DCC: variants seen among roughly 807,000 people sequenced by gnomAD.
DCC encodes netrin receptor DCC.
DCC carries 58 observed loss-of-function variants against 172.5 expected under a neutral mutation model. The observed-to-expected ratio is 0.34, with a 90% CI of 0.27 to 0.42. The LOEUF (loss-of-function observed/expected upper bound fraction) is 0.42. Among genes scored for constraint, DCC ranks in the 10% least tolerant of loss-of-function variants. The pLI, the probability that DCC is intolerant of heterozygous loss-of-function variation, is 1.00. For synonymous variants in DCC, 709 were observed against 644.5 expected (o/e 1.10, Z -1.52); for missense variants, 1,740 against 1,791.0 (o/e 0.97, Z 0.51).
intron 1 of DCC, among the ~76,000 whole-genome samples, chr18:52,745,841 T>A (rs1054122521): frequency 6.6e-6 from 1 of 152,174 alleles, no homozygotes. Context: ...CTTAACATTG[T>A]GCGTTTTCAG....
intron 1 of DCC, among the ~76,000 whole-genome samples, chr18:52,540,896 G>A (rs560610292): frequency 6.6e-5 from 10 of 152,170 alleles, no homozygotes; most frequent in Non-Finnish European, 8.8e-5. Flanking sequence ...ATGAGCCACC[G>A]CGCCCGGCCT....
At chr18:53,473,139 C>G (rs866351153) in intron 25 of DCC, among the ~76,000 whole-genome samples, 1 of 152,110 alleles carries the variant, frequency 6.6e-6, no homozygotes. Flanking sequence ...AATAATGACT[C>G]CCTTTTATAT....
chr18:53,260,480 T>C (rs2056582241), intron 12 of DCC, among the ~76,000 whole-genome samples: 1 of 152,128 alleles, frequency 6.6e-6, no homozygotes, highest in Non-Finnish European at 1.5e-5. Context: ...CCAGACACTT[T>C]TTGCCTGGGT....
chr18:52,826,645 A>G (rs2038515781), intron 2 of DCC, among the ~76,000 whole-genome samples: 1 of 151,946 alleles, frequency 6.6e-6, no homozygotes, highest in Admixed American at 6.6e-5. Flanking sequence ...CACTCAGCTA[A>G]TTTTTGTATT....
chr18:53,175,019 A>C (rs2144460855), intron 8 of DCC, among the ~76,000 whole-genome samples: 1 of 151,616 alleles, frequency 6.6e-6, no homozygotes, highest in Non-Finnish European at 1.5e-5. Context: ...AGGCTGGTTC[A>C]ATATACGCAA....
chr18:53,428,709 TTATA>T (rs1286508011), intron 21 of DCC, among the ~76,000 whole-genome samples: 1 of 59,066 alleles, frequency 1.7e-5, no homozygotes, highest in African/African-American at 5.4e-5. Context: ...ATTTTATATA[TTATA>T]TATATTTATA....
intron 14 of DCC, among the ~76,000 whole-genome samples, chr18:53,333,111 T>C (rs1252486636): frequency 6.8e-6 from 1 of 146,568 alleles, no homozygotes; most frequent in African/African-American, 2.5e-5. Flanking sequence ...ATATTAGAAA[T>C]AGGATGGTAA....
chr18:53,333,956 A>G (rs1489662094), intron 14 of DCC, among the ~76,000 whole-genome samples: 2 of 152,182 alleles, frequency 1.3e-5, no homozygotes, highest in Admixed American at 1.3e-4. Context: ...TGACCCAAGG[A>G]AATCTCACCT....
At chr18:52,832,298 C>T (rs931300253) in intron 2 of DCC, among the ~76,000 whole-genome samples, 2 of 152,038 alleles carry the variant, frequency 1.3e-5, no homozygotes, top group Non-Finnish European at 2.9e-5. Context: ...GCAAAATGGG[C>T]GAAGCCTGGT....
Position 53,157,371 on chromosome 18 carries a change from G to C in DCC, c.1277G>C (p.Ser426Thr). Residue 426 changes from serine (S) to threonine (T), a missense_variant, in exon 8 of 29, where the codon AGT becomes ACT. Ser to Thr is a moderately conservative substitution (Grantham distance 58). Transcript: ENST00000442544. ...IVPKPAIPSS[S>T]VLPSAPRDVV... is the part of the protein sequence containing the mutation. ...TTCTCCTTAGCTATCCCAAGCTCCA[G>C]TGTCCTCCCTTCGGCTCCCAGAGAT... is the stretch of plus-strand genomic sequence containing the variant. The C allele has an allele frequency of 6.2e-7, 1 of 1,614,040 alleles. No homozygotes were observed. Among genetic ancestry groups the C allele is most frequent in the Non-Finnish European group, 8.5e-7 (1 of 1,179,980 alleles).
intron 12 of DCC, among the ~76,000 whole-genome samples, chr18:53,300,472 AG>A (rs1241844172): frequency 1.3e-5 from 2 of 152,126 alleles, no homozygotes; most frequent in African/African-American, 4.8e-5. Context: ...GGAGTGCTGA[AG>A]CACTGTCCAG....
intron 1 of DCC, among the ~76,000 whole-genome samples, chr18:52,447,810 T>A (rs758548866): frequency 2.0e-5 from 3 of 151,774 alleles, no homozygotes; most frequent in African/African-American, 7.3e-5. Flanking sequence ...AACAAGTAGA[T>A]CTCATGAGAA....
intron 1 of DCC, among the ~76,000 whole-genome samples, chr18:52,515,331 G>T (rs568867490): frequency 1.8e-4 from 27 of 152,072 alleles, no homozygotes; most frequent in African/African-American, 6.5e-4. Context: ...TAGACGGCTG[G>T]GTGTGGTGGC....
chr18:52,583,913 C>T (rs1276951576), intron 1 of DCC, among the ~76,000 whole-genome samples: 1 of 152,208 alleles, frequency 6.6e-6, no homozygotes, highest in Non-Finnish European at 1.5e-5. Context: ...CTTTCACTCC[C>T]TCTCATCTCC....
intron 1 of DCC, among the ~76,000 whole-genome samples, chr18:52,743,304 C>G (rs760290829): frequency 2.6e-5 from 4 of 152,180 alleles, no homozygotes; most frequent in Non-Finnish European, 5.9e-5. Flanking sequence ...AACACGGAAG[C>G]TAAAGCTAGC....
At chr18:52,979,229 A>C (rs1311672470) in intron 5 of DCC, among the ~76,000 whole-genome samples, 1 of 152,200 alleles carries the variant, frequency 6.6e-6, no homozygotes, top group African/African-American at 2.4e-5. Context: ...ACAGGAGATT[A>C]GTCATTAAGG....
rs1911031393 is a variant in DCC at position 53,427,258 on chromosome 18, A to T, written c.3164-7886A>T. On this transcript the variant is annotated intron_variant, in intron 21 of 28. Transcript: ENST00000442544. Reference sequence around the variant, plus strand: ...TTTTAATAAAGACTAAGCTGCATATAAAAGTGGTTTCTTAGACCCCTAGGA... The same window carrying T: ...TTTTAATAAAGACTAAGCTGCATATTAAAGTGGTTTCTTAGACCCCTAGGA... 2.0e-5 allele frequency among the ~76,000 whole-genome samples: 3 copies of T among 152,132 alleles called. No individual in the cohort carries two copies. The South Asian group carries it at 6.2e-4, about 31-fold the overall frequency.
chr18:53,179,242 A>T (rs1598880586), intron 9 of DCC, 126 bp downstream of exon 9: 1 of 897,978 alleles, frequency 1.1e-6, no homozygotes, highest in Admixed American at 2.1e-5. Context: ...CTTCTAAGTA[A>T]ACTTATATAA....
At chr18:52,352,043 A>G (rs1289514250) in intron 1 of DCC, among the ~76,000 whole-genome samples, 1 of 152,170 alleles carries the variant, frequency 6.6e-6, no homozygotes, top group African/African-American at 2.4e-5. Flanking sequence ...GGTTTGATTG[A>G]GATCCTTAAA....
Sources: gnomAD v4.1 joint callset for allele counts (sites outside exome capture counted in the v4.1 genomes callset) on GRCh38, gnomAD v4.1.1 for gene constraint, MANE v1.5 for transcripts, NCBI Gene and HGNC (gene_info 2026-07-23, HGNC 2026-07-21) for gene names.